The following HS6ST1 variants were observed in gnomAD, a reference collection of about 807,000 sequenced individuals.
HS6ST1 encodes the protein heparan-sulfate 6-O-sulfotransferase 1.
Under a neutral mutation model 25.2 loss-of-function variants are expected in HS6ST1, and 3 were observed. The observed-to-expected ratio is 0.12, with a 90% CI of 0.05 to 0.31. The LOEUF is 0.31. Ranked by LOEUF, HS6ST1 falls within the 10% of genes least tolerant of loss-of-function variation. The probability of loss-of-function intolerance (pLI) is 1.00; values close to 1 mark genes in which losing one functional copy is unlikely to be tolerated. For synonymous variants in HS6ST1, 204 were observed against 275.1 expected (o/e 0.74, Z 2.56); for missense variants, 310 against 609.6 (o/e 0.51, Z 5.18).
chr2:128,284,118 G>A (rs1325415090), intron 1 of HS6ST1, among the ~76,000 whole-genome samples: 3 of 151,950 alleles, frequency 2.0e-5, no homozygotes, highest in African/African-American at 4.8e-5. Flanking sequence ...CCCTGTTCCC[G>A]GGGGCTTTCC....
chr2:128,286,515 C>A (rs752035586), intron 1 of HS6ST1, among the ~76,000 whole-genome samples: 1 of 152,174 alleles, frequency 6.6e-6, no homozygotes, highest in Non-Finnish European at 1.5e-5. Flanking sequence ...CCGGGCAGGG[C>A]CCCTGGGAGC....
chr2:128,280,318 AGGGC>A (rs1693766132), intron 1 of HS6ST1, among the ~76,000 whole-genome samples: 1 of 152,226 alleles, frequency 6.6e-6, no homozygotes, highest in Non-Finnish European at 1.5e-5. Flanking sequence ...GCAGCTCTCC[AGGGC>A]CACAAGGCCG....
At chr2:128,296,638 A>G (rs1015221316) in intron 1 of HS6ST1, among the ~76,000 whole-genome samples, 1 of 152,228 alleles carries the variant, frequency 6.6e-6, no homozygotes, top group Non-Finnish European at 1.5e-5. Flanking sequence ...AGTGTAAAAT[A>G]TTTAGGAGGA....
intron 1 of HS6ST1, among the ~76,000 whole-genome samples, chr2:128,294,367 G>C (rs1022303561): frequency 1.3e-5 from 2 of 152,208 alleles, no homozygotes; most frequent in African/African-American, 2.4e-5. Flanking sequence ...CCGAGGGAGG[G>C]GAGGGCTCTC....
intron 1 of HS6ST1, among the ~76,000 whole-genome samples, chr2:128,270,544 A>G (rs1166304797): frequency 6.6e-6 from 1 of 152,176 alleles, no homozygotes; most frequent in Non-Finnish European, 1.5e-5. Flanking sequence ...AACGTTTTAG[A>G]AACAATAATG....
chr2:128,269,122 C>T (rs1693572219), intron 1 of HS6ST1, among the ~76,000 whole-genome samples: 1 of 152,242 alleles, frequency 6.6e-6, no homozygotes, highest in South Asian at 2.1e-4. Flanking sequence ...TCTGGAGGGA[C>T]AACCTGACTT....
chr2:128,272,835 G>T (rs1011363800), intron 1 of HS6ST1, among the ~76,000 whole-genome samples: 1 of 152,182 alleles, frequency 6.6e-6, no homozygotes, highest in African/African-American at 2.4e-5. Flanking sequence ...CTAAGTCCGG[G>T]GCCCTCAGAG....
chr2:128,265,962 G>A lies in HS6ST1; in HGVS notation c.*2200C>T, dbSNP rs1306753097. 5.9e-5 allele frequency: 9 copies of A among 151,624 alleles called. No individual in the cohort carries two copies. Among genetic ancestry groups the A allele is most frequent in the Admixed American group, 2.6e-4 (4 of 15,228 alleles). The allele number at this position is 151,624 out of a possible 1,614,324, so 9.4% of individuals were successfully genotyped here. On this transcript the variant is annotated 3_prime_UTR_variant, in exon 2 of 2. Transcript: ENST00000259241. Reference sequence around the variant, plus strand: ...GCTGAGGGCACTGCCAGCTGCCGCCGCCTCTGGACACCTCAGCCCGGCGCT... The same window carrying A: ...GCTGAGGGCACTGCCAGCTGCCGCCACCTCTGGACACCTCAGCCCGGCGCT...
chr2:128,270,941 A>T (rs1166987053), intron 1 of HS6ST1, among the ~76,000 whole-genome samples: 1 of 152,134 alleles, frequency 6.6e-6, no homozygotes, highest in Non-Finnish European at 1.5e-5. Flanking sequence ...GGAAACACAA[A>T]TGGCTCAGTT....
chr2:128,280,693 A>G (rs370253661), intron 1 of HS6ST1, among the ~76,000 whole-genome samples: 2 of 151,764 alleles, frequency 1.3e-5, no homozygotes, highest in African/African-American at 4.9e-5. Flanking sequence ...AAGAGTAGTC[A>G]GATTTTTTTT....
intron 1 of HS6ST1, among the ~76,000 whole-genome samples, chr2:128,316,435 G>T (rs533986467): frequency 6.6e-6 from 1 of 152,240 alleles, no homozygotes; most frequent in African/African-American, 2.4e-5. Flanking sequence ...GACCAACTCT[G>T]GGAGCCTACT....
rs1384504178 is a variant in HS6ST1, at chr2:128,276,507, G to A, written c.528-7637C>T. Among the ~76,000 whole-genome samples the A allele has an allele frequency of 2.6e-5, 4 of 152,252 alleles. No homozygotes were observed. In the East Asian group the frequency reaches 7.7e-4, roughly 29 times the overall value. ...GAGGCTAGCCCTGGGGTGTGGGGCT[G>A]GGATGGCGCTGGGTGCTCACAGTGG... On this transcript the variant is annotated intron_variant, in intron 1 of 1. Coordinates refer to ENST00000259241, the MANE Select transcript of HS6ST1 (RefSeq NM_004807.3).
chr2:128,295,390 C>T (rs1392466556), intron 1 of HS6ST1, among the ~76,000 whole-genome samples: 2 of 152,216 alleles, frequency 1.3e-5, no homozygotes, highest in Non-Finnish European at 2.9e-5. Context: ...GGTGTCCACA[C>T]CCTTGACTGC....
chr2:128,268,138 G>T lies in HS6ST1; in HGVS notation c.*24C>A, dbSNP rs759487026. ...TTTTATCCCCCACACCCCCCAAGAG[G>T]CCTCCCCGTGGCCACCACCGCCACT... On this transcript the variant is annotated 3_prime_UTR_variant, in exon 2 of 2. Coordinates refer to ENST00000259241, the MANE Select transcript of HS6ST1 (RefSeq NM_004807.3). The T allele has an allele frequency of 1.3e-6, 2 of 1,538,934 alleles. No individual in the cohort carries two copies. The highest frequency in any genetic ancestry group is 2.3e-5 in the East Asian group (1 of 42,920).
chr2:128,286,707 AG>A (rs1348775336), intron 1 of HS6ST1, among the ~76,000 whole-genome samples: 2 of 152,044 alleles, frequency 1.3e-5, no homozygotes, highest in African/African-American at 2.4e-5. Context: ...TTATTAGCGT[AG>A]GTTTAGGAAA....
At chr2:128,314,127 T>C (rs765285353) in intron 1 of HS6ST1, among the ~76,000 whole-genome samples, 1 of 152,060 alleles carries the variant, frequency 6.6e-6, no homozygotes, top group Non-Finnish European at 1.5e-5. Flanking sequence ...TCTGTCCCCA[T>C]CACAGCAGAT....
Position 128,318,152 on chromosome 2 carries a change from A to G in HS6ST1, c.412T>C (p.Phe138Leu). The change falls in exon 1 of 2, where the codon TTC (phenylalanine) becomes CTC (leucine). Residue 138 changes from phenylalanine (F) to leucine (L), a missense_variant. Physicochemically the swap from Phe to Leu is conservative, Grantham distance 22. Transcript: ENST00000259241. The surrounding 1 kb of genome is among the most constrained non-coding windows in gnomAD (Gnocchi z 5.7). ...CTCCAGCCGGTGGAGAAGCGGGAGA[A>G]GAGCCAAGTCTCGCGGCGGTTGGGC... ...YRPNRRETWL[F>L]SRFSTGWSCG... is the part of the protein sequence containing the mutation. 6.5e-7 allele frequency: 1 copy of G among 1,531,254 alleles called. No homozygotes were observed. Among genetic ancestry groups the G allele is most frequent in the Non-Finnish European group, 8.8e-7 (1 of 1,138,492 alleles). 94.9% of individuals were successfully genotyped at this position (1,531,254 alleles called of 1,614,324 possible).
At chr2:128,271,396 G>T (rs1420108936) in intron 1 of HS6ST1, among the ~76,000 whole-genome samples, 1 of 152,202 alleles carries the variant, frequency 6.6e-6, no homozygotes, top group African/African-American at 2.4e-5. Flanking sequence ...GAGGCCCCTC[G>T]GTGGAAGGGC....
intron 1 of HS6ST1, among the ~76,000 whole-genome samples, chr2:128,297,662 C>G (rs182345016): frequency 3.9e-5 from 6 of 152,136 alleles, no homozygotes; most frequent in Non-Finnish European, 8.8e-5. Flanking sequence ...GGAGAAACCC[C>G]GTCTCTACTA....
Sources: allele counts gnomAD v4.1 joint callset (sites outside exome capture counted in the v4.1 genomes callset), GRCh38; gene constraint gnomAD v4.1.1; non-coding constraint Gnocchi (gnomAD v3.1); transcripts MANE v1.5; gene names NCBI Gene and HGNC (gene_info 2026-07-23, HGNC 2026-07-21).